Variants in OTOGL observed in about 807,000 individuals in gnomAD.
OTOGL encodes the protein otogelin like.
A neutral mutation model predicts 318.5 loss-of-function variants in OTOGL; 285 were observed. The observed-to-expected ratio is 0.89, with a 90% CI of 0.81 to 0.99. OTOGL has a LOEUF of 0.99. Ranked by LOEUF, OTOGL falls within the 50% of genes least tolerant of loss-of-function variation. OTOGL has a pLI of 0.00. For missense variants in OTOGL, 2,899 were observed against 2,845.6 expected, an observed-to-expected ratio of 1.02 and a Z score of -0.43; for synonymous variants, 987 against 936.5, an observed-to-expected ratio of 1.05 and a Z score of -0.99.
intron 30 of OTOGL, among the ~76,000 whole-genome samples, chr12:80,312,034 T>TA (rs1370591545): frequency 3.9e-5 from 6 of 152,248 alleles, no homozygotes; most frequent in African/African-American, 1.4e-4. Context: ...AAGGGCGAAA[T>TA]AAAAAACAAT....
Position 80,262,077 on chromosome 12 carries a change from C to T in OTOGL, c.1998C>T (p.Asn666=), listed in dbSNP as rs770133045. The T allele has an allele frequency of 6.2e-7, 1 of 1,608,646 alleles. No homozygotes were observed. The highest frequency in any genetic ancestry group is 1.1e-5 in the South Asian group (1 of 90,056). The part of the protein sequence containing the change: ...PVHVPVVDPC[N]INQQNIGYAA... ...ATGTCCCAGTGGTGGACCCCTGTAA[C>T]ATCAATCAACAAAACAGTAAGTTTT... The change falls in exon 19 of 59, where the codon AAC becomes AAT. Residue 666 remains asparagine, a synonymous_variant. Transcript: ENST00000547103.
intron 1 of OTOGL, among the ~76,000 whole-genome samples, chr12:80,120,558 A>T (rs1297966780): frequency 2.6e-5 from 4 of 152,200 alleles, no homozygotes; most frequent in Non-Finnish European, 4.4e-5. Flanking sequence ...AATCCTAAGG[A>T]TTCTCTCTCA....
At chr12:80,224,395 A>G (rs1306313286) in intron 7 of OTOGL, among the ~76,000 whole-genome samples, 1 of 151,566 alleles carries the variant, frequency 6.6e-6, no homozygotes, top group Non-Finnish European at 1.5e-5. Flanking sequence ...TGCTTTGGCT[A>G]TGTGGCTTTT....
chr12:80,104,789 A>G (rs1225489123), intron 1 of OTOGL, among the ~76,000 whole-genome samples: 2 of 152,158 alleles, frequency 1.3e-5, no homozygotes, highest in African/African-American at 2.4e-5. Context: ...ATTATGAACC[A>G]AAACATACTC....
In OTOGL at chr12:80,256,444, A is replaced by G; in HGVS notation, c.1695A>G (p.Gln565=). 6.3e-7 allele frequency: 1 copy of G among 1,583,486 alleles called. No homozygotes were observed. The highest frequency in any genetic ancestry group is 8.5e-7 in the Non-Finnish European group (1 of 1,171,290). ...GACAAATTCTCACTAGTCCTAACCA[A>G]GGCTTCAACCTGAATGGTAAGAAAC... ...RGGQILTSPN[Q]GFNLNGIVEI... Residue 565 remains glutamine (Q), a synonymous_variant, in exon 17 of 59, where the codon CAA becomes CAG. Coordinates refer to ENST00000547103, the MANE Select transcript of OTOGL (RefSeq NM_001378609.3).
chr12:80,159,480 C>CT (rs546765734), intron 1 of OTOGL, among the ~76,000 whole-genome samples: 37 of 151,652 alleles, frequency 2.4e-4, no homozygotes, highest in East Asian at 9.7e-4. Flanking sequence ...TTTGGTTGGT[C>CT]TTTTTTTTAT....
chr12:80,177,804 T>C (rs947074831), intron 1 of OTOGL, among the ~76,000 whole-genome samples: 1 of 152,158 alleles, frequency 6.6e-6, no homozygotes, highest in African/African-American at 2.4e-5. Flanking sequence ...CATATTATAT[T>C]TGTCCTTTTG....
At chr12:80,316,802 A>T (rs184247763) in intron 32 of OTOGL, among the ~76,000 whole-genome samples, 10 of 152,318 alleles carry the variant, frequency 6.6e-5, no homozygotes, top group Admixed American at 5.9e-4. Context: ...CTAAATGGTT[A>T]TTCTTAATTT....
intron 21 of OTOGL, 65 bp downstream of exon 21, chr12:80,266,681 G>A (rs1883001515): frequency 1.4e-6 from 2 of 1,434,948 alleles, no homozygotes; most frequent in Non-Finnish European, 1.9e-6. Context: ...CGGGCTAAAT[G>A]AGCTTTCATG....
At chr12:80,173,960 G>A (rs1874369366) in intron 1 of OTOGL, among the ~76,000 whole-genome samples, 2 of 152,198 alleles carry the variant, frequency 1.3e-5, no homozygotes, top group Non-Finnish European at 2.9e-5. Flanking sequence ...TGGAAGATTA[G>A]TAATTGTTCA....
At chr12:80,126,402 A>G (rs1174999258) in intron 1 of OTOGL, among the ~76,000 whole-genome samples, 1 of 152,130 alleles carries the variant, frequency 6.6e-6, no homozygotes, top group Non-Finnish European at 1.5e-5. Flanking sequence ...GTGGTCTAAG[A>G]GACAGTTTGT....
chr12:80,256,245 C>T, intron 16 of OTOGL, 92 bp from the exon 17 acceptor site: 1 of 1,376,642 alleles, frequency 7.3e-7, no homozygotes, highest in Non-Finnish European at 9.8e-7. Flanking sequence ...TCTTTCTCCC[C>T]TTCTCCCTTT....
At chr12:80,144,174 T>A (rs761350660) in intron 1 of OTOGL, among the ~76,000 whole-genome samples, 26 of 152,124 alleles carry the variant, frequency 1.7e-4, no homozygotes, top group Non-Finnish European at 3.4e-4. Flanking sequence ...TCATCTAGCA[T>A]TAGGTGTATC....
intron 11 of OTOGL, among the ~76,000 whole-genome samples, chr12:80,240,816 G>A (rs12306709): frequency 0.046 from 7,049 of 152,090 alleles, 552 homozygotes; most frequent in African/African-American, 0.16. Context: ...AACAAATTTA[G>A]TGAGACTCAT....
intron 1 of OTOGL, among the ~76,000 whole-genome samples, chr12:80,108,814 T>A (rs1334924228): frequency 1.5e-4 from 20 of 136,912 alleles, no homozygotes; most frequent in African/African-American, 4.9e-4. Context: ...TATATATATG[T>A]GTATATATAT....
At chr12:80,287,244 G>T (rs2137661389) in intron 26 of OTOGL, among the ~76,000 whole-genome samples, 1 of 151,834 alleles carries the variant, frequency 6.6e-6, no homozygotes, top group Non-Finnish European at 1.5e-5. Flanking sequence ...TAATTTGATT[G>T]CAGTGTGGTC....
chr12:80,320,303 C>T, intron 33 of OTOGL, 119 bp from the exon 34 acceptor site: 2 of 870,592 alleles, frequency 2.3e-6, no homozygotes, highest in Admixed American at 3.5e-5. Context: ...TAGTTATTGG[C>T]ACTAATTATG....
At chr12:80,141,539 C>T (rs948947486) in intron 1 of OTOGL, among the ~76,000 whole-genome samples, 1 of 152,032 alleles carries the variant, frequency 6.6e-6, no homozygotes, top group Non-Finnish European at 1.5e-5. Flanking sequence ...CAGAAGAGCT[C>T]AATACACATG....
At chr12:80,190,566 T>A (rs1386071789) in intron 1 of OTOGL, among the ~76,000 whole-genome samples, 1 of 151,902 alleles carries the variant, frequency 6.6e-6, no homozygotes, top group Non-Finnish European at 1.5e-5. Context: ...GGCGGGTGGA[T>A]CACGAGGTCA....
Sources: allele counts gnomAD v4.1 joint callset (sites outside exome capture counted in the v4.1 genomes callset), GRCh38; gene constraint gnomAD v4.1.1; transcripts MANE v1.5; gene names NCBI Gene and HGNC (gene_info 2026-07-23, HGNC 2026-07-21).